The following GLCCI1 variants were observed in gnomAD, a reference collection of about 807,000 sequenced individuals.
The protein encoded by GLCCI1 is glucocorticoid induced 1.
In GLCCI1, 24 loss-of-function variants were observed where a neutral mutation model predicts 52.2. That is an observed-to-expected ratio of 0.46 (90% CI 0.33 to 0.65). The LOEUF (loss-of-function observed/expected upper bound fraction) is 0.65. Among genes scored for constraint, GLCCI1 ranks in the 30% least tolerant of loss-of-function variants. The pLI is 0.02. For missense variants in GLCCI1, 704 were observed against 701.5 expected (o/e 1.00, Z -0.04); for synonymous variants, 310 against 276.5 (o/e 1.12, Z -1.20).
intron 5 of GLCCI1, among the ~76,000 whole-genome samples, chr7:8,063,223 T>G (rs1342829892): frequency 6.6e-6 from 1 of 152,084 alleles, no homozygotes; most frequent in Non-Finnish European, 1.5e-5. Context: ...CTGCAACTTC[T>G]GCCTCCCAGG....
At chr7:8,064,461 T>C (rs780792451) in intron 5 of GLCCI1, among the ~76,000 whole-genome samples, 10 of 152,212 alleles carry the variant, frequency 6.6e-5, no homozygotes, top group Admixed American at 4.6e-4. Context: ...CATTGGTCTA[T>C]ATGTCTGCTT....
chr7:7,997,240 A>C (rs1015509015), intron 1 of GLCCI1, among the ~76,000 whole-genome samples: 1 of 152,048 alleles, frequency 6.6e-6, no homozygotes, highest in Non-Finnish European at 1.5e-5. Flanking sequence ...ATCATTGTCT[A>C]TAACTGCAAG....
At chr7:8,062,174 C>G (rs1187755207) in intron 5 of GLCCI1, among the ~76,000 whole-genome samples, 3 of 152,108 alleles carry the variant, frequency 2.0e-5, no homozygotes, top group Admixed American at 6.5e-5. Context: ...GTAGCCATAT[C>G]AGAATCATTC....
chr7:8,066,618 C>T (rs1233939775), intron 5 of GLCCI1, among the ~76,000 whole-genome samples: 1 of 151,270 alleles, frequency 6.6e-6, no homozygotes, highest in African/African-American at 2.4e-5. Context: ...TTCTTGATTT[C>T]TGCCTTAATT....
intron 1 of GLCCI1, among the ~76,000 whole-genome samples, chr7:7,999,005 C>T (rs572858680): frequency 6.6e-6 from 1 of 151,676 alleles, no homozygotes; most frequent in Non-Finnish European, 1.5e-5. Context: ...AAAATATTAG[C>T]AATATCATAG....
At chr7:8,044,866 C>T (rs986408092) in intron 3 of GLCCI1, among the ~76,000 whole-genome samples, 12 of 152,094 alleles carry the variant, frequency 7.9e-5, no homozygotes, top group African/African-American at 2.7e-4. Context: ...AAAATCTCAA[C>T]AGACCATAGA....
rs1433095251 is a variant in GLCCI1 at position 8,088,234 on chromosome 7, A to T, written c.*1696A>T. 1.0e-5 allele frequency: 1 copy of T among 99,872 alleles called. No individual in the cohort carries two copies. The highest frequency in any genetic ancestry group is 2.7e-4 in the East Asian group (1 of 3,712). 6.2% of individuals were successfully genotyped at this position (99,872 alleles called of 1,614,324 possible). A position where few individuals can be genotyped will look rare whatever the true frequency, so the allele number is the denominator to read the frequency against. On this transcript the variant is annotated 3_prime_UTR_variant, in exon 8 of 8. Coordinates refer to ENST00000223145, the MANE Select transcript of GLCCI1 (RefSeq NM_138426.4). Reference sequence around the variant, plus strand: ...TTTTTAAGAAATGATATATATATGTATATGTTTGTGTGTGTGTGTGTGTGT... The same window carrying T: ...TTTTTAAGAAATGATATATATATGTTTATGTTTGTGTGTGTGTGTGTGTGT...
intron 1 of GLCCI1, among the ~76,000 whole-genome samples, chr7:7,970,196 C>A (rs1203989472): frequency 1.3e-5 from 2 of 152,174 alleles, no homozygotes; most frequent in Non-Finnish European, 2.9e-5. Flanking sequence ...TCTCTTTGTG[C>A]TTTTCTGCAA....
intron 2 of GLCCI1, among the ~76,000 whole-genome samples, chr7:8,015,737 A>G (rs1583973773): frequency 6.6e-6 from 1 of 152,256 alleles, no homozygotes; most frequent in East Asian, 1.9e-4. Context: ...CATTTTATTC[A>G]TTAGTTTCAA....
intron 1 of GLCCI1, among the ~76,000 whole-genome samples, chr7:7,992,126 TCTC>T (rs1454458990): frequency 5.6e-4 from 84 of 149,134 alleles, no homozygotes; most frequent in African/African-American, 1.7e-3. Context: ...TCTCTCTCTC[TCTC>T]ATATATATAT....
In GLCCI1 at chr7:8,059,972, T is replaced by C. The variant is rs186844849; in HGVS notation, c.814-124T>C. ...TTTCTATATGTGCACCTGAATTTTA[T>C]TGTATTTGAAAGGTCAGAAATAACT... is the stretch of plus-strand genomic sequence containing the variant. On this transcript the variant is annotated intron_variant, in intron 4 of 7. Transcript: ENST00000223145. 1,775 of 784,366 alleles carry C rather than the reference T, an allele frequency of 2.3e-3. 1 individual carries two copies. The highest frequency in any genetic ancestry group is 2.8e-3 in the Non-Finnish European group (1,429 of 502,652). 48.6% of individuals were successfully genotyped at this position (784,366 alleles called of 1,614,324 possible). A position where few individuals can be genotyped will look rare whatever the true frequency, so the allele number is the denominator to read the frequency against.
intron 3 of GLCCI1, among the ~76,000 whole-genome samples, chr7:8,032,359 AAAG>A (rs1164520108): frequency 6.6e-6 from 1 of 152,092 alleles, no homozygotes; most frequent in African/African-American, 2.4e-5. Context: ...GAAACTGGAA[AAAG>A]AAAAGCAAAT....
In GLCCI1 at chr7:8,052,376, G is replaced by T. The variant is rs538457776; in HGVS notation, c.697-3057G>T. Among the ~76,000 whole-genome samples the T allele has an allele frequency of 2.6e-5, 4 of 152,254 alleles. No individual in the cohort carries two copies. The East Asian group carries it at 7.7e-4, about 29-fold the overall frequency. On this transcript the variant is annotated intron_variant, in intron 3 of 7. Coordinates refer to ENST00000223145, the MANE Select transcript of GLCCI1 (RefSeq NM_138426.4). ...GGATTGAATTTTCTTTTTTCAAAAGGTTGTTCTTAAGTTGTGGGGAGCTGA... is the reference window on the plus strand; with the variant it reads ...GGATTGAATTTTCTTTTTTCAAAAGTTTGTTCTTAAGTTGTGGGGAGCTGA...
At chr7:8,059,343 G>C (rs1206088573) in intron 4 of GLCCI1, among the ~76,000 whole-genome samples, 1 of 152,200 alleles carries the variant, frequency 6.6e-6, no homozygotes, top group Non-Finnish European at 1.5e-5. Context: ...ATGATTAGCA[G>C]TCTACCTTAT....
intron 3 of GLCCI1, among the ~76,000 whole-genome samples, chr7:8,050,714 G>C (rs1782238896): frequency 6.6e-6 from 1 of 152,058 alleles, no homozygotes; most frequent in Non-Finnish European, 1.5e-5. Context: ...ATCTCCTTGT[G>C]AGTTGTTAAC....
chr7:8,075,643 A>G lies in GLCCI1; in HGVS notation c.1177+4512A>G, dbSNP rs1363771434. On this transcript the variant is annotated intron_variant, in intron 6 of 7. Transcript: ENST00000223145. The stretch of plus-strand genomic sequence containing the variant: ...AAATGTAGACTTCAGTCAGCTACTT[A>G]TCATTGATCTTTGGCACAGTTCACT... Among the ~76,000 whole-genome samples the G allele has an allele frequency of 2.0e-5, 3 of 152,226 alleles. No homozygotes were observed. In the East Asian group the frequency reaches 5.8e-4, roughly 29 times the overall value.
At chr7:8,011,480 C>T (rs1488777142) in intron 2 of GLCCI1, among the ~76,000 whole-genome samples, 1 of 152,164 alleles carries the variant, frequency 6.6e-6, no homozygotes. Flanking sequence ...AAATTTCCTT[C>T]CTTTTTAAAG....
intron 1 of GLCCI1, among the ~76,000 whole-genome samples, chr7:8,001,017 TG>T (rs939410976): frequency 2.0e-5 from 3 of 152,238 alleles, no homozygotes; most frequent in Non-Finnish European, 4.4e-5. Context: ...GTCTTTTAAT[TG>T]GGGCATTTAG....
chr7:8,044,006 G>A (rs1290297206), intron 3 of GLCCI1, among the ~76,000 whole-genome samples: 2 of 150,516 alleles, frequency 1.3e-5, no homozygotes, highest in Admixed American at 6.6e-5. Context: ...GTGCAGTGGC[G>A]CGATCTCCGC....
Sources: allele counts gnomAD v4.1 joint callset (sites outside exome capture counted in the v4.1 genomes callset), GRCh38; gene constraint gnomAD v4.1.1; transcripts MANE v1.5; gene names NCBI Gene and HGNC (gene_info 2026-07-23, HGNC 2026-07-21).